Variants in RHD observed in about 807,000 individuals in gnomAD.
RHD encodes the protein blood group Rh(D) polypeptide.
RHD carries 16 observed loss-of-function variants against 45.5 expected under a neutral mutation model. The observed-to-expected ratio is 0.35, with a 90% CI of 0.24 to 0.53. The LOEUF is 0.53. RHD is among the 20% of genes least tolerant of loss of function. RHD has a pLI of 0.92. For synonymous variants in RHD, 131 were observed against 217.5 expected, an observed-to-expected ratio of 0.60 and a Z score of 3.50; for missense variants, 306 against 532.0, an observed-to-expected ratio of 0.58 and a Z score of 4.18.
intron 8 of RHD, among the ~76,000 whole-genome samples, chr1:25,319,038 C>T (rs111901471): frequency 0.022 from 2,961 of 131,998 alleles, 488 homozygotes; most frequent in African/African-American, 0.07. Context: ...GAAAGGCTGC[C>T]GGATTTAGCA....
intron 4 of RHD, 61 bp downstream of exon 4, chr1:25,301,154 G>T: frequency 7.6e-7 from 1 of 1,319,986 alleles, no homozygotes; most frequent in East Asian, 2.2e-5. Context: ...CTCAGAAAAG[G>T]CTCTGGCTGA....
chr1:25,302,533 T>A (rs1643468797), intron 5 of RHD, among the ~76,000 whole-genome samples: 1 of 129,712 alleles, frequency 7.7e-6, no homozygotes, highest in South Asian at 2.4e-4. Flanking sequence ...GGGTGTCAAC[T>A]CAGGGAAGCC....
At chr1:25,315,166 T>A (rs1236643468) in intron 7 of RHD, among the ~76,000 whole-genome samples, 1 of 129,568 alleles carries the variant, frequency 7.7e-6, no homozygotes, top group Admixed American at 7.5e-5. Flanking sequence ...AAAAAAAATT[T>A]TTTTTGCAAG....
chr1:25,303,462 A>C lies in RHD; in HGVS notation c.939+3A>C. On this transcript the variant is annotated splice_donor_region_variant and intron_variant, in intron 6 of 9. Coordinates refer to ENST00000328664, the MANE Select transcript of RHD (RefSeq NM_016124.6). ...TCGGGGGAGCCAAGTACCTGCCGGTAAGAAACTAGACAACTAACCTCCTCT... is the reference window on the plus strand; with the variant it reads ...TCGGGGGAGCCAAGTACCTGCCGGTCAGAAACTAGACAACTAACCTCCTCT... The C allele has an allele frequency of 1.5e-6, 2 of 1,378,904 alleles. 1 individual carries two copies. The highest frequency in any genetic ancestry group is 2.0e-6 in the Non-Finnish European group (2 of 978,744). 85.4% of individuals were successfully genotyped at this position (1,378,904 alleles called of 1,614,324 possible).
chr1:25,290,518 C>T lies in RHD; in HGVS notation c.336-123C>T, dbSNP rs1750383. ...GTGGGTAGAAATCTTGTCTTCTATT[C>T]CCACAGAAAGTAGGTGCCCAACAGT... On this transcript the variant is annotated intron_variant, in intron 2 of 9. Transcript: ENST00000328664. The T allele has an allele frequency of 3.1e-3, 2,815 of 899,452 alleles. 347 individuals are homozygous for T. In the African/African-American group the frequency reaches 0.039, roughly 12 times the overall value. The allele number at this position is 899,452 out of a possible 1,614,324, so 55.7% of individuals were successfully genotyped here. A position where few individuals can be genotyped will look rare whatever the true frequency, so the allele number is the denominator to read the frequency against.
chr1:25,305,554 G>A (rs1643746338), intron 6 of RHD, among the ~76,000 whole-genome samples: 1 of 127,042 alleles, frequency 7.9e-6, no homozygotes, highest in South Asian at 2.4e-4. Context: ...CCACCACCAT[G>A]CCTGGCTAAT....
chr1:25,283,014 T>C (rs1641638224), intron 1 of RHD, among the ~76,000 whole-genome samples: 1 of 133,120 alleles, frequency 7.5e-6, no homozygotes, highest in South Asian at 2.3e-4. Context: ...TCAAGATCTC[T>C]CTCTCTCCAG....
At position 25,276,517 on chromosome 1, in the gene RHD, ACC is replaced by A. The variant is rs59535574; in HGVS notation, c.148+3830_148+3831del. On this transcript the variant is annotated intron_variant, in intron 1 of 9. Transcript: ENST00000328664. ...AGACGAGCCTAGGAAACATAGGGAG[ACC>A]CCCCCCCATCTCTAAAAAAAAAAAA... Among the ~76,000 whole-genome samples, 79 of 91,728 alleles carry A rather than the reference ACC, an allele frequency of 8.6e-4. 12 individuals carry two copies. Among genetic ancestry groups the A allele is most frequent in the South Asian group, 7.3e-3 (24 of 3,284 alleles). The allele number at this position is 91,728 out of a possible 152,430, so 60.2% of individuals were successfully genotyped here.
intron 7 of RHD, among the ~76,000 whole-genome samples, chr1:25,309,583 T>C (rs1644031948): frequency 7.6e-6 from 1 of 132,322 alleles, no homozygotes; most frequent in East Asian, 1.9e-4. Flanking sequence ...TTTAATAGCA[T>C]CTCTGGAATG....
At position 25,311,878 on chromosome 1, in the gene RHD, C is replaced by A. The variant is rs150906940; in HGVS notation, c.1074-5122C>A. Among the ~76,000 whole-genome samples the A allele has an allele frequency of 1.2e-3, 161 of 131,358 alleles. 29 individuals are homozygous for A. The highest frequency in any genetic ancestry group is 3.1e-3 in the African/African-American group (116 of 37,570). The allele number at this position is 131,358 out of a possible 152,430, so 86.2% of individuals were successfully genotyped here. ...AGAATGCAAAAGCTGAGGGGGCATG[C>A]CTTCTTCCACCTACATTTCAAAGGG... On this transcript the variant is annotated intron_variant, in intron 7 of 9. Coordinates refer to ENST00000328664, the MANE Select transcript of RHD (RefSeq NM_016124.6).
chr1:25,317,824 A>T (rs528996192), intron 8 of RHD, among the ~76,000 whole-genome samples: 973 of 84,322 alleles, frequency 0.012, 42 homozygotes, highest in African/African-American at 0.035. Context: ...CAGTAAGGAG[A>T]CCAGTGTGGT....
chr1:25,304,365 G>C lies in RHD; in HGVS notation c.939+906G>C, dbSNP rs1312682428. Reference sequence around the variant, plus strand: ...AGTGGCTCACGCGCTTTGGGAGGCCGAGGCGGGCAGATGGCCTGAGGTCAG... The same window carrying C: ...AGTGGCTCACGCGCTTTGGGAGGCCCAGGCGGGCAGATGGCCTGAGGTCAG... On this transcript the variant is annotated intron_variant, in intron 6 of 9. Coordinates refer to ENST00000328664, the MANE Select transcript of RHD (RefSeq NM_016124.6). The C allele has an allele frequency of 1.6e-5, 2 of 124,438 alleles. 1 individual carries two copies. Among genetic ancestry groups the C allele is most frequent in the Non-Finnish European group, 3.8e-5 (2 of 53,184 alleles). 7.7% of individuals were successfully genotyped at this position (124,438 alleles called of 1,614,324 possible). A position where few individuals can be genotyped will look rare whatever the true frequency, so the allele number is the denominator to read the frequency against.
At chr1:25,286,312 G>A (rs1460245826) in intron 2 of RHD, among the ~76,000 whole-genome samples, 2 of 135,340 alleles carry the variant, frequency 1.5e-5, no homozygotes, top group African/African-American at 5.1e-5. Context: ...AACACAGTGA[G>A]ATCCTGTCTC....
intron 7 of RHD, among the ~76,000 whole-genome samples, chr1:25,315,649 A>T (rs1176335775): frequency 7.9e-6 from 1 of 125,990 alleles, no homozygotes; most frequent in Non-Finnish European, 1.9e-5. Context: ...GGCGCCTGCC[A>T]CCACTCCCGG....
chr1:25,322,971 A>C (rs1644799006), intron 9 of RHD, among the ~76,000 whole-genome samples: 2 of 86,008 alleles, frequency 2.3e-5, no homozygotes, highest in South Asian at 7.7e-4. Context: ...CTTTAAAGCC[A>C]TCACAAGGTG....
chr1:25,309,675 C>T (rs1644035623), intron 7 of RHD, among the ~76,000 whole-genome samples: 1 of 131,782 alleles, frequency 7.6e-6, no homozygotes, highest in African/African-American at 2.6e-5. Context: ...GACAGGCCTG[C>T]CTAGTTTGAA....
In RHD at chr1:25,300,869, C is replaced by T. The variant is rs1392126736; in HGVS notation, c.487-77C>T. ...CACACCTCCTAAGTGAAGCTCTGAA[C>T]TTTCTCCAAGGACTATCAGGGCTTG... On this transcript the variant is annotated intron_variant, in intron 3 of 9. Coordinates refer to ENST00000328664, the MANE Select transcript of RHD (RefSeq NM_016124.6). 12 of 1,333,614 alleles carry T rather than the reference C, an allele frequency of 9.0e-6. 4 individuals carry two copies. The highest frequency in any genetic ancestry group is 4.4e-5 in the African/African-American group (3 of 68,582). 82.6% of individuals were successfully genotyped at this position (1,333,614 alleles called of 1,614,324 possible).
chr1:25,272,802 A>G (rs1411768480), intron 1 of RHD, 107 bp downstream of exon 1: 3 of 1,272,898 alleles, frequency 2.4e-6, no homozygotes, highest in South Asian at 1.2e-5. Context: ...CAAAATCCCA[A>G]GGAAAAAGAT....
Position 25,290,643 on chromosome 1 carries a change from T to C in RHD, c.338T>C (p.Ile113Thr). The C allele has an allele frequency of 7.3e-7, 1 of 1,377,874 alleles. No homozygotes were observed. Among genetic ancestry groups the C allele is most frequent in the Admixed American group, 1.8e-5 (1 of 56,084 alleles). The allele number at this position is 1,377,874 out of a possible 1,614,324, so 85.4% of individuals were successfully genotyped here. The part of the protein sequence containing the change: ...SGKVVITLFS[I>T]RLATMSALSV... ...CTGGCTCTCCCTCTCTCCCCCAGTATTCGGCTGGCCACCATGAGTGCTTTG... is the reference window on the plus strand; with the variant it reads ...CTGGCTCTCCCTCTCTCCCCCAGTACTCGGCTGGCCACCATGAGTGCTTTG... Residue 113 changes from isoleucine (I) to threonine (T), a missense_variant and splice_region_variant, in exon 3 of 10, where the codon ATT (isoleucine) becomes ACT (threonine). Physicochemically the swap from Ile to Thr is moderately conservative, Grantham distance 89. Coordinates refer to ENST00000328664, the MANE Select transcript of RHD (RefSeq NM_016124.6).
Sources: gnomAD v4.1 joint callset for allele counts (sites outside exome capture counted in the v4.1 genomes callset) on GRCh38, gnomAD v4.1.1 for gene constraint, MANE v1.5 for transcripts, NCBI Gene and HGNC (gene_info 2026-07-23, HGNC 2026-07-21) for gene names.